Variants in HMCN1 observed in about 807,000 individuals in gnomAD.
The protein encoded by HMCN1 is hemicentin-1.
In HMCN1, 321 loss-of-function variants were observed where a neutral mutation model predicts 625.9. The ratio of observed to expected loss-of-function variants is 0.51; its 90% confidence interval spans 0.47 to 0.56. The LOEUF (loss-of-function observed/expected upper bound fraction) is 0.56, where lower values mean the gene tolerates loss of function less well. Among genes scored for constraint, HMCN1 ranks in the 20% least tolerant of loss-of-function variants. The pLI, the probability that HMCN1 is intolerant of heterozygous loss-of-function variation, is 0.00. For synonymous variants in HMCN1, 2,425 were observed against 2,417.6 expected (o/e 1.00, Z -0.09); for missense variants, 6,588 against 6,887.3 (o/e 0.96, Z 1.54).
intron 1 of HMCN1, among the ~76,000 whole-genome samples, chr1:185,796,127 C>T (rs1658355650): frequency 6.6e-6 from 1 of 152,102 alleles, no homozygotes; most frequent in African/African-American, 2.4e-5. Flanking sequence ...TTTCCATGGA[C>T]AGTGAAAGGA....
chr1:186,008,420 G>T (rs1388318359), intron 30 of HMCN1, among the ~76,000 whole-genome samples: 2 of 151,958 alleles, frequency 1.3e-5, no homozygotes, highest in Non-Finnish European at 2.9e-5. Flanking sequence ...TATCCAAAAT[G>T]TTATTTTGGA....
At chr1:185,788,547 A>G (rs1191893736) in intron 1 of HMCN1, among the ~76,000 whole-genome samples, 1 of 152,204 alleles carries the variant, frequency 6.6e-6, no homozygotes, top group Non-Finnish European at 1.5e-5. Flanking sequence ...CGTTTAAATT[A>G]GCCCCATAGC....
chr1:186,041,876 G>A (rs558290854), intron 40 of HMCN1, among the ~76,000 whole-genome samples: 1 of 152,068 alleles, frequency 6.6e-6, no homozygotes, highest in South Asian at 2.1e-4. Context: ...CAGAATGCAA[G>A]CCTTCTCCTT....
intron 2 of HMCN1, among the ~76,000 whole-genome samples, chr1:185,853,536 A>G (rs1207001613): frequency 6.6e-6 from 1 of 152,118 alleles, no homozygotes; most frequent in Non-Finnish European, 1.5e-5. Flanking sequence ...CGAGTTTTCT[A>G]TTAGAGTTTC....
chr1:186,063,509 GGA>G (rs1657912130), intron 48 of HMCN1, among the ~76,000 whole-genome samples: 1 of 129,446 alleles, frequency 7.7e-6, no homozygotes, highest in Non-Finnish European at 1.6e-5. Flanking sequence ...AAGGAAGGAA[GGA>G]AGGGAGTCTT....
chr1:185,779,523 A>G (rs1190299244), intron 1 of HMCN1, among the ~76,000 whole-genome samples: 1 of 152,182 alleles, frequency 6.6e-6, no homozygotes, highest in Non-Finnish European at 1.5e-5. Context: ...TAATTTTTGT[A>G]TAAGGTGTAA....
intron 13 of HMCN1, 146 bp from the exon 14 acceptor site, chr1:185,965,654 ATG>A (rs1459222543): frequency 4.3e-6 from 3 of 691,842 alleles, no homozygotes; most frequent in Non-Finnish European, 8.0e-6. Context: ...ACCTATGTGC[ATG>A]TGCATTACAA....
chr1:186,015,399 C>G lies in HMCN1; in HGVS notation c.4871C>G (p.Ala1624Gly), dbSNP rs1400999751. 1 of 1,613,452 alleles carries G rather than the reference C, an allele frequency of 6.2e-7. No homozygotes were observed. The highest frequency in any genetic ancestry group is 8.5e-7 in the Non-Finnish European group (1 of 1,179,680). The change falls in exon 31 of 107, where the codon GCT (alanine) becomes GGT (glycine). Residue 1624 changes from alanine (A) to glycine (G), a missense_variant. Physicochemically the swap from Ala to Gly is moderately conservative, Grantham distance 60. Around this residue, in one of 3 missense-constraint regions of HMCN1, gnomAD observed 4,628 missense variants for 4,853.1 expected, o/e 0.95. Coordinates refer to ENST00000271588, the MANE Select transcript of HMCN1 (RefSeq NM_031935.3). Reference protein sequence around the residue: ...ATYTCHVANVAGTAEKSFHVD... With the variant: ...ATYTCHVANVGGTAEKSFHVD... ...TATACGTGTCATGTAGCCAATGTTG[C>G]TGGAACTGCTGAAAAATCATTCCAT...
chr1:186,160,169 A>G (rs530481801), intron 97 of HMCN1, among the ~76,000 whole-genome samples: 10 of 150,444 alleles, frequency 6.6e-5, no homozygotes, highest in Admixed American at 1.3e-4. Flanking sequence ...GTGTCCAGGA[A>G]TTTATCCATT....
At chr1:185,963,102 G>C (rs888084442) in intron 12 of HMCN1, among the ~76,000 whole-genome samples, 2 of 152,020 alleles carry the variant, frequency 1.3e-5, no homozygotes, top group Non-Finnish European at 2.9e-5. Context: ...TTCCATTTTT[G>C]CCAAACTACA....
chr1:185,775,563 A>G (rs1167091582), intron 1 of HMCN1, among the ~76,000 whole-genome samples: 1 of 152,200 alleles, frequency 6.6e-6, no homozygotes, highest in Non-Finnish European at 1.5e-5. Context: ...GCTGGCTCCT[A>G]TGGTTTGGGA....
intron 10 of HMCN1, among the ~76,000 whole-genome samples, chr1:185,929,118 T>A (rs189441517): frequency 6.6e-6 from 1 of 152,264 alleles, no homozygotes; most frequent in East Asian, 1.9e-4. Context: ...AAGTGAAGGA[T>A]CTATTCTAAT....
intron 56 of HMCN1, among the ~76,000 whole-genome samples, chr1:186,082,512 C>T (rs1440356015): frequency 6.6e-6 from 1 of 152,164 alleles, no homozygotes; most frequent in Non-Finnish European, 1.5e-5. Flanking sequence ...CCGTCACGCT[C>T]TGTTGACCAA....
At chr1:185,832,865 C>A (rs1660948321) in intron 1 of HMCN1, among the ~76,000 whole-genome samples, 1 of 152,156 alleles carries the variant, frequency 6.6e-6, no homozygotes, top group South Asian at 2.1e-4. Context: ...CAGACAAAAT[C>A]TAATTTACTT....
At position 186,070,816 on chromosome 1, in the gene HMCN1, A is replaced by G. The variant is rs1345491145; in HGVS notation, c.8139+59A>G. ...TCTTAAAGACTAAAATGGTCAATTG[A>G]AAAGAAATAATAAAATAGACACAAG... is the stretch of plus-strand genomic sequence containing the variant. On this transcript the variant is annotated intron_variant, in intron 52 of 106. Transcript: ENST00000271588. The G allele has an allele frequency of 2.0e-6, 3 of 1,509,518 alleles. No homozygotes were observed. In the African/African-American group the frequency reaches 4.1e-5, roughly 21 times the overall value. The allele number at this position is 1,509,518 out of a possible 1,614,324, so 93.5% of individuals were successfully genotyped here.
At chr1:186,105,419 C>T (rs180869539) in intron 69 of HMCN1, among the ~76,000 whole-genome samples, 4 of 152,332 alleles carry the variant, frequency 2.6e-5, no homozygotes, top group Non-Finnish European at 5.9e-5. Flanking sequence ...GCAACATCTA[C>T]TTATGCCTGG....
chr1:185,745,041 G>T (rs1553233002), intron 1 of HMCN1, among the ~76,000 whole-genome samples: 1 of 151,466 alleles, frequency 6.6e-6, no homozygotes, highest in African/African-American at 2.4e-5. Flanking sequence ...ATGGTCCTAA[G>T]AATCTAAAAA....
intron 6 of HMCN1, 41 bp from the exon 7 acceptor site, chr1:185,922,338 T>A: frequency 1.9e-6 from 3 of 1,611,246 alleles, no homozygotes; most frequent in Non-Finnish European, 2.5e-6. Context: ...ACCAGCATAC[T>A]GGATCAACTG....
intron 53 of HMCN1, 83 bp downstream of exon 53, chr1:186,074,974 AGTG>A (rs1658717706): frequency 1.7e-6 from 2 of 1,200,332 alleles, no homozygotes; most frequent in East Asian, 5.1e-5. Flanking sequence ...TATTTTAAAC[AGTG>A]TTTTTTTCTG....
Sources: allele counts gnomAD v4.1 joint callset (sites outside exome capture counted in the v4.1 genomes callset), GRCh38; gene constraint gnomAD v4.1.1; regional missense constraint gnomAD v4.1.1; transcripts MANE v1.5; gene names NCBI Gene and HGNC (gene_info 2026-07-23, HGNC 2026-07-21).